ARHGAP8: variants seen among roughly 807,000 people sequenced by gnomAD.
ARHGAP8 encodes Rho GTPase activating protein 8.
Under a neutral mutation model 46.1 loss-of-function variants are expected in ARHGAP8, and 62 were observed. That is an observed-to-expected ratio of 1.34 (90% CI 1.10 to 1.66). ARHGAP8 has a LOEUF of 1.66. Among genes scored for constraint, ARHGAP8 ranks in the 40% most tolerant of loss-of-function variants. ARHGAP8 has a pLI of 0.00. For missense variants in ARHGAP8, 923 were observed against 568.4 expected, an observed-to-expected ratio of 1.62 and a Z score of -6.34; for synonymous variants, 375 against 243.1, an observed-to-expected ratio of 1.54 and a Z score of -5.05.
At chr22:44,848,255 C>G (rs769717585) in intron 9 of ARHGAP8, among the ~76,000 whole-genome samples, 1 of 152,244 alleles carries the variant, frequency 6.6e-6, no homozygotes, top group Non-Finnish European at 1.5e-5. Flanking sequence ...ACCCCCAACC[C>G]CACTGGGACA....
chr22:44,862,710 T>G lies in ARHGAP8; in HGVS notation c.*115T>G. 1 of 1,305,210 alleles carries G rather than the reference T, an allele frequency of 7.7e-7. No individual in the cohort carries two copies. The highest frequency in any genetic ancestry group is 1.0e-6 in the Non-Finnish European group (1 of 981,576). 80.9% of individuals were successfully genotyped at this position (1,305,210 alleles called of 1,614,324 possible). On this transcript the variant is annotated 3_prime_UTR_variant, in exon 12 of 12. Coordinates refer to ENST00000356099, the MANE Select transcript of ARHGAP8 (RefSeq NM_181335.3). ...CAGCCATTAGATGAATTCAGAACCT[T>G]CTAATGAAAACTCCATGCCTCTGGT...
In ARHGAP8 at chr22:44,808,526, C is replaced by A. The variant is rs150613701; in HGVS notation, c.299+88C>A. 1.3e-3 allele frequency: 2,080 copies of A among 1,551,358 alleles called. 3 individuals are homozygous for A. The highest frequency in any genetic ancestry group is 2.5e-3 in the Admixed American group (134 of 53,166). The stretch of plus-strand genomic sequence containing the variant: ...TGGCCACAAGGGGTCGCAGAGTGTG[C>A]AGTGGGGGAGGGGTCTGGTAGGGCG... On this transcript the variant is annotated intron_variant, in intron 4 of 11. Transcript: ENST00000356099.
At chr22:44,840,805 C>T (rs1325676234) in intron 7 of ARHGAP8, among the ~76,000 whole-genome samples, 1 of 152,170 alleles carries the variant, frequency 6.6e-6, no homozygotes, top group East Asian at 1.9e-4. Flanking sequence ...ATGGTGCCTC[C>T]CGGCCGCGTC....
In ARHGAP8 at chr22:44,857,495, C is replaced by A. The variant is rs147087171; in HGVS notation, c.878-2236C>A. Among the ~76,000 whole-genome samples the A allele has an allele frequency of 1.4e-3, 214 of 152,246 alleles. 3 individuals are homozygous for A. The highest frequency in any genetic ancestry group is 6.8e-3 in the Middle Eastern group (2 of 292). ...CTAGAAGTTGCACATGACATGGGTA[C>A]CTTCGTAAGGAAACGAAGGCCCAGA... On this transcript the variant is annotated intron_variant, in intron 10 of 11. Coordinates refer to ENST00000356099, the MANE Select transcript of ARHGAP8 (RefSeq NM_181335.3).
chr22:44,842,538 G>T (rs1055918682), intron 7 of ARHGAP8, among the ~76,000 whole-genome samples: 4 of 152,204 alleles, frequency 2.6e-5, no homozygotes, highest in Admixed American at 2.6e-4. Context: ...GCCTGAAGCC[G>T]GGGGTCACAG....
At chr22:44,798,283 T>A (rs530955240) in intron 2 of ARHGAP8, among the ~76,000 whole-genome samples, 40 of 152,048 alleles carry the variant, frequency 2.6e-4, no homozygotes, top group African/African-American at 9.4e-4. Context: ...GCCAAAAAAA[T>A]TTTTTTAGAG....
At chr22:44,861,718 A>G (rs1202953211) in intron 11 of ARHGAP8, among the ~76,000 whole-genome samples, 1 of 152,136 alleles carries the variant, frequency 6.6e-6, no homozygotes, top group Admixed American at 6.5e-5. Flanking sequence ...GACCTTGGGC[A>G]AGTCTCCTGT....
chr22:44,827,122 G>A (rs1490559785), intron 7 of ARHGAP8, among the ~76,000 whole-genome samples: 3 of 152,044 alleles, frequency 2.0e-5, no homozygotes, highest in East Asian at 3.9e-4. Flanking sequence ...CAAGAGGGAG[G>A]TAGGAGGGTC....
chr22:44,778,599 C>T (rs909319756), intron 1 of ARHGAP8, among the ~76,000 whole-genome samples: 7 of 152,172 alleles, frequency 4.6e-5, no homozygotes, highest in Admixed American at 1.3e-4. Context: ...TAAGGAATCT[C>T]CACACTGTTT....
At chr22:44,827,851 A>G (rs1930647341) in intron 7 of ARHGAP8, among the ~76,000 whole-genome samples, 3 of 152,074 alleles carry the variant, frequency 2.0e-5, no homozygotes, top group Non-Finnish European at 2.9e-5. Context: ...TTGGCTGGGC[A>G]TCTCGGGTGT....
intron 1 of ARHGAP8, chr22:44,765,467 T>A (rs1925481880): frequency 6.6e-6 from 1 of 151,892 alleles, no homozygotes; most frequent in Non-Finnish European, 1.5e-5. Flanking sequence ...GGGGGTGTAA[T>A]CGGGACCCTA....
intron 8 of ARHGAP8, among the ~76,000 whole-genome samples, chr22:44,846,976 C>T (rs1053802076): frequency 6.6e-6 from 1 of 152,166 alleles, no homozygotes; most frequent in Non-Finnish European, 1.5e-5. Flanking sequence ...AGAAAGGCCC[C>T]AGAGAGGAGA....
rs556159856 is a variant in ARHGAP8 at position 44,859,212 on chromosome 22, C to T, written c.878-519C>T. ...ATAGGGCTTGGATCTGAGTCCCCAGCGCGTCTCATGTTGAATTGAAACTTT... is the reference window on the plus strand; with the variant it reads ...ATAGGGCTTGGATCTGAGTCCCCAGTGCGTCTCATGTTGAATTGAAACTTT... On this transcript the variant is annotated intron_variant, in intron 10 of 11. Coordinates refer to ENST00000356099, the MANE Select transcript of ARHGAP8 (RefSeq NM_181335.3). Among the ~76,000 whole-genome samples, 17 of 152,124 alleles carry T rather than the reference C, an allele frequency of 1.1e-4. No individual in the cohort carries two copies. The South Asian group carries it at 1.5e-3, about 13-fold the overall frequency.
At chr22:44,822,237 T>C in intron 5 of ARHGAP8, 134 bp from the exon 6 acceptor site, 1 of 719,552 alleles carries the variant, frequency 1.4e-6, no homozygotes, top group Non-Finnish European at 2.2e-6. Context: ...TTTTAAGTCG[T>C]GTCAGCGTTT....
chr22:44,806,595 G>T (rs540226208), intron 3 of ARHGAP8, among the ~76,000 whole-genome samples: 202 of 152,226 alleles, frequency 1.3e-3, no homozygotes, highest in Non-Finnish European at 2.4e-3. Context: ...AGAATTAAAC[G>T]TGTAGAAGGC....
intron 2 of ARHGAP8, among the ~76,000 whole-genome samples, chr22:44,787,866 C>G (rs542209711): frequency 5.4e-4 from 81 of 149,780 alleles, no homozygotes; most frequent in East Asian, 3.0e-3. Flanking sequence ...ACAGGAGGGA[C>G]AGCAAGAGGG....
intron 1 of ARHGAP8, among the ~76,000 whole-genome samples, chr22:44,776,882 C>G (rs571394423): frequency 9.9e-5 from 15 of 152,200 alleles, no homozygotes; most frequent in African/African-American, 3.1e-4. Flanking sequence ...CTGTATCCCC[C>G]CTGCCTCAAG....
At chr22:44,795,802 C>T (rs1928041834) in intron 2 of ARHGAP8, among the ~76,000 whole-genome samples, 1 of 152,162 alleles carries the variant, frequency 6.6e-6, no homozygotes, top group South Asian at 2.1e-4. Flanking sequence ...AGGACACCTC[C>T]CGGGACCCAC....
chr22:44,812,899 T>G (rs1929439634), intron 4 of ARHGAP8, among the ~76,000 whole-genome samples: 1 of 152,150 alleles, frequency 6.6e-6, no homozygotes, highest in Non-Finnish European at 1.5e-5. Flanking sequence ...TTTTATTCAT[T>G]GAGTTACAAT....
Sources: allele counts gnomAD v4.1 joint callset (sites outside exome capture counted in the v4.1 genomes callset), GRCh38; gene constraint gnomAD v4.1.1; transcripts MANE v1.5; gene names NCBI Gene and HGNC (gene_info 2026-07-23, HGNC 2026-07-21).